Variants in TMEM108 observed in about 807,000 individuals in gnomAD.
TMEM108 encodes transmembrane protein 108, also known as cancer/testis antigen 124.
In TMEM108, 12 loss-of-function variants were observed where a neutral mutation model predicts 35.1. That is an observed-to-expected ratio of 0.34 (90% CI 0.22 to 0.55). The LOEUF is 0.55. Among genes scored for constraint, TMEM108 ranks in the 20% least tolerant of loss-of-function variants. The pLI, the probability that TMEM108 is intolerant of heterozygous loss-of-function variation, is 0.89. For synonymous variants in TMEM108, 287 were observed against 308.6 expected (o/e 0.93, Z 0.73); for missense variants, 680 against 753.3 (o/e 0.90, Z 1.14).
intron 2 of TMEM108, among the ~76,000 whole-genome samples, chr3:133,161,337 T>A (rs1443532112): frequency 6.6e-6 from 1 of 152,214 alleles, no homozygotes; most frequent in Non-Finnish European, 1.5e-5. Context: ...CATCACTCAG[T>A]CTAAAGTAGC....
rs10663538 is a variant in TMEM108, at chr3:133,150,342, G to GT, written c.-46-78908dup. ...CCATTTAAAAAAATCAGGTTATTTG[G>GT]TTTTTTTTTTTTTTTTGCAATTGAG... On this transcript the variant is annotated intron_variant, in intron 2 of 5. Coordinates refer to ENST00000321871, the MANE Select transcript of TMEM108 (RefSeq NM_023943.4). 7.2e-3 allele frequency among the ~76,000 whole-genome samples: 794 copies of GT among 109,670 alleles called. 25 individuals are homozygous for GT. The highest frequency in any genetic ancestry group is 0.011 in the Middle Eastern group (2 of 178). The allele number at this position is 109,670 out of a possible 152,430, so 71.9% of individuals were successfully genotyped here. A position where few individuals can be genotyped will look rare whatever the true frequency, so the allele number is the denominator to read the frequency against.
intron 2 of TMEM108, among the ~76,000 whole-genome samples, chr3:133,170,072 TA>T (rs1397432586): frequency 6.6e-6 from 1 of 152,216 alleles, no homozygotes; most frequent in Non-Finnish European, 1.5e-5. Context: ...TCATTTTTAT[TA>T]AAATAACATT....
intron 2 of TMEM108, among the ~76,000 whole-genome samples, chr3:133,195,457 G>C (rs940649679): frequency 2.0e-5 from 3 of 151,970 alleles, no homozygotes; most frequent in African/African-American, 7.3e-5. Context: ...TCTTTATGTG[G>C]GTTTCCCTCT....
intron 3 of TMEM108, among the ~76,000 whole-genome samples, chr3:133,241,928 C>T (rs2370049): frequency 0.97 from 146,983 of 152,262 alleles, 71,131 homozygotes; most frequent in East Asian, 1. Flanking sequence ...GTGGCTTCTA[C>T]AACAAATTAC....
chr3:133,145,498 G>A (rs1944705700), intron 2 of TMEM108, among the ~76,000 whole-genome samples: 1 of 152,094 alleles, frequency 6.6e-6, no homozygotes, highest in Non-Finnish European at 1.5e-5. Flanking sequence ...CTAATTCTGT[G>A]AAGAAAGTCA....
At chr3:133,267,605 A>T (rs1946717363) in intron 3 of TMEM108, among the ~76,000 whole-genome samples, 1 of 152,240 alleles carries the variant, frequency 6.6e-6, no homozygotes, top group Non-Finnish European at 1.5e-5. Context: ...ATTTCCATAG[A>T]TCAGAAATTC....
chr3:133,082,543 A>G (rs1225300855), intron 2 of TMEM108, among the ~76,000 whole-genome samples: 2 of 152,178 alleles, frequency 1.3e-5, no homozygotes, highest in Admixed American at 6.5e-5. Context: ...TCCTTTTGTC[A>G]TAGTGTATTA....
intron 2 of TMEM108, among the ~76,000 whole-genome samples, chr3:133,210,506 A>G (rs1945820296): frequency 1.3e-5 from 2 of 152,148 alleles, no homozygotes; most frequent in Non-Finnish European, 2.9e-5. Flanking sequence ...AGACCTAGGG[A>G]TATATGTTTG....
At chr3:133,102,577 G>T (rs1944101939) in intron 2 of TMEM108, among the ~76,000 whole-genome samples, 1 of 152,178 alleles carries the variant, frequency 6.6e-6, no homozygotes, top group South Asian at 2.1e-4. Flanking sequence ...AGTGAGACGA[G>T]GGGCCTTGTC....
At chr3:133,296,030 T>C (rs1947140408) in intron 3 of TMEM108, among the ~76,000 whole-genome samples, 1 of 152,160 alleles carries the variant, frequency 6.6e-6, no homozygotes, top group Admixed American at 6.5e-5. Flanking sequence ...AATTGACTAT[T>C]TTCCCCCCAA....
chr3:133,051,962 G>C (rs1376364167), intron 2 of TMEM108, among the ~76,000 whole-genome samples: 1 of 152,022 alleles, frequency 6.6e-6, no homozygotes, highest in Non-Finnish European at 1.5e-5. Flanking sequence ...CTTTAATATT[G>C]TGTTGGCTAT....
At chr3:133,383,132 GAAGT>G (rs768559507) in intron 4 of TMEM108, among the ~76,000 whole-genome samples, 6 of 152,226 alleles carry the variant, frequency 3.9e-5, no homozygotes, top group Non-Finnish European at 5.9e-5. Flanking sequence ...TCATATCTGA[GAAGT>G]AACTACAGTA....
Position 133,245,234 on chromosome 3 carries a change from G to A in TMEM108, c.40+15883G>A, listed in dbSNP as rs552412643. 7.9e-5 allele frequency among the ~76,000 whole-genome samples: 12 copies of A among 152,336 alleles called. No individual in the cohort carries two copies. The South Asian group carries it at 2.5e-3, about 32-fold the overall frequency. On this transcript the variant is annotated intron_variant, in intron 3 of 5. Transcript: ENST00000321871. ...TACCCAGGATCCAAGCCTAGTTGAT[G>A]TGAGAGAAGAGGCTTAAGCATGAGT...
chr3:133,253,291 A>G (rs900711700), intron 3 of TMEM108: 2 of 152,178 alleles, frequency 1.3e-5, no homozygotes, highest in Non-Finnish European at 2.9e-5. Context: ...TGGCTCTCCT[A>G]CCAACTTGTT....
chr3:133,071,932 T>C (rs1943680554), intron 2 of TMEM108, among the ~76,000 whole-genome samples: 1 of 152,176 alleles, frequency 6.6e-6, no homozygotes, highest in Non-Finnish European at 1.5e-5. Context: ...ATGTTACATT[T>C]TCTTCTGGGA....
At chr3:133,206,935 G>C (rs60361914) in intron 2 of TMEM108, among the ~76,000 whole-genome samples, 2,288 of 152,308 alleles carry the variant, frequency 0.015, 76 homozygotes, top group African/African-American at 0.051. Context: ...GTATCCCAGG[G>C]AGATGGGAAT....
chr3:133,302,424 T>C (rs1248573023), intron 3 of TMEM108, among the ~76,000 whole-genome samples: 5 of 145,258 alleles, frequency 3.4e-5, no homozygotes, highest in Non-Finnish European at 7.6e-5. Flanking sequence ...TCTTTTTTTT[T>C]TTTTTTTTTT....
At chr3:133,055,997 A>G (rs1037767213) in intron 2 of TMEM108, among the ~76,000 whole-genome samples, 1 of 152,162 alleles carries the variant, frequency 6.6e-6, no homozygotes, top group Non-Finnish European at 1.5e-5. Context: ...TCCCATATTA[A>G]TACAGTCCTG....
intron 3 of TMEM108, chr3:133,247,928 G>T (rs1382635430): frequency 1.3e-5 from 2 of 152,044 alleles, no homozygotes; most frequent in Non-Finnish European, 2.9e-5. Context: ...AAAACTCTAG[G>T]GATGCAGAGA....
Sources: allele counts gnomAD v4.1 joint callset (sites outside exome capture counted in the v4.1 genomes callset), GRCh38; gene constraint gnomAD v4.1.1; transcripts MANE v1.5; gene names NCBI Gene and HGNC (gene_info 2026-07-23, HGNC 2026-07-21).